The following CHN2 variants were observed in gnomAD, a reference collection of about 807,000 sequenced individuals.
CHN2 encodes beta-chimaerin.
Under a neutral mutation model 56.3 loss-of-function variants are expected in CHN2, and 35 were observed. The observed-to-expected ratio is 0.62, with a 90% CI of 0.47 to 0.82. The LOEUF (loss-of-function observed/expected upper bound fraction) is 0.82, where lower values mean the gene tolerates loss of function less well. CHN2 is among the 40% of genes least tolerant of loss of function. The pLI is 0.00. For synonymous variants in CHN2, 210 were observed against 212.8 expected (o/e 0.99, Z 0.12); for missense variants, 491 against 580.5 (o/e 0.85, Z 1.58).
At chr7:29,417,670 T>A (rs932996211) in intron 6 of CHN2, among the ~76,000 whole-genome samples, 2 of 152,222 alleles carry the variant, frequency 1.3e-5, no homozygotes, top group African/African-American at 4.8e-5. Context: ...TGGTTCAAAC[T>A]AATATCTATT....
At chr7:29,438,886 T>G (rs1708039818) in intron 6 of CHN2, among the ~76,000 whole-genome samples, 1 of 152,230 alleles carries the variant, frequency 6.6e-6, no homozygotes, top group Non-Finnish European at 1.5e-5. Context: ...TTTAGAACTA[T>G]TCACAATATT....
intron 1 of CHN2, among the ~76,000 whole-genome samples, chr7:29,241,287 T>C (rs561017895): frequency 9.2e-5 from 14 of 152,194 alleles, no homozygotes; most frequent in African/African-American, 3.4e-4. Flanking sequence ...CAGGGTTTTA[T>C]TGGGTGAAAA....
Position 29,158,512 on chromosome 7 carries a change from GTAGCCTAGTCTT to G in CHN2, c.274+11555_274+11566del, listed in dbSNP as rs1167397701. ...AGAATGGCTCACTTTATTTTATTGT[GTAGCCTAGTCTT>G]TATGTGATAATATTGATACTTAAGT... On this transcript the variant is annotated intron_variant, in intron 2 of 6. Transcript: ENST00000439384. Among the ~76,000 whole-genome samples the G allele has an allele frequency of 2.7e-5, 3 of 109,392 alleles. No individual in the cohort carries two copies. In the East Asian group the frequency reaches 7.4e-4, roughly 27 times the overall value. The allele number at this position is 109,392 out of a possible 152,430, so 71.8% of individuals were successfully genotyped here.
At chr7:29,429,391 C>G (rs1805190464) in intron 6 of CHN2, among the ~76,000 whole-genome samples, 1 of 152,200 alleles carries the variant, frequency 6.6e-6, no homozygotes, top group Non-Finnish European at 1.5e-5. Context: ...TCCTTTGAAA[C>G]TAACAGTAAG....
At chr7:29,387,673 T>C (rs1801024070) in intron 3 of CHN2, among the ~76,000 whole-genome samples, 1 of 152,198 alleles carries the variant, frequency 6.6e-6, no homozygotes, top group South Asian at 2.1e-4. Flanking sequence ...GGTGGGCTTC[T>C]CTCATATCTG....
intron 3 of CHN2, among the ~76,000 whole-genome samples, chr7:29,391,073 T>G (rs1030493050): frequency 1.3e-5 from 2 of 152,122 alleles, no homozygotes; most frequent in African/African-American, 2.4e-5. Context: ...AGCCTCTCTC[T>G]CTCTCTTTGA....
At chr7:29,370,549 C>G (rs1342493433) in intron 3 of CHN2, among the ~76,000 whole-genome samples, 2 of 152,116 alleles carry the variant, frequency 1.3e-5, no homozygotes, top group African/African-American at 4.8e-5. Flanking sequence ...TTCAATCTAT[C>G]TCTTCCCAGC....
At chr7:29,286,935 A>G (rs561561644) in intron 1 of CHN2, among the ~76,000 whole-genome samples, 84 of 152,284 alleles carry the variant, frequency 5.5e-4, no homozygotes, top group Middle Eastern at 3.4e-3. Flanking sequence ...TCATTGAAAA[A>G]GAAGTGTTTT....
chr7:29,311,912 CTT>C (rs778677785), intron 1 of CHN2, among the ~76,000 whole-genome samples: 3 of 152,146 alleles, frequency 2.0e-5, no homozygotes, highest in Non-Finnish European at 4.4e-5. Context: ...AGGGGGGTGA[CTT>C]AGATTCTAGA....
At chr7:29,412,521 A>C (rs968742) in intron 6 of CHN2, among the ~76,000 whole-genome samples, 5 of 151,404 alleles carry the variant, frequency 3.3e-5, no homozygotes, top group Admixed American at 1.3e-4. Context: ...TAGTAGAGAC[A>C]GGTTTCACCA....
chr7:29,187,207 C>T (rs1213737396), intron 2 of CHN2, among the ~76,000 whole-genome samples: 3 of 152,218 alleles, frequency 2.0e-5, no homozygotes, highest in African/African-American at 7.2e-5. Context: ...CCAAATTTGG[C>T]AGAGAGCTTA....
intron 2 of CHN2, among the ~76,000 whole-genome samples, chr7:29,160,238 G>C (rs901581541): frequency 2.0e-5 from 3 of 152,126 alleles, no homozygotes; most frequent in Non-Finnish European, 2.9e-5. Context: ...GTGTGAAGTT[G>C]GTGCCAGATG....
chr7:29,214,864 G>T (rs570162990), intron 1 of CHN2, among the ~76,000 whole-genome samples: 2 of 152,036 alleles, frequency 1.3e-5, no homozygotes, highest in Non-Finnish European at 2.9e-5. Context: ...CATAAAACGT[G>T]AGTGCAGAGT....
At chr7:29,290,490 C>T (rs1013182140) in intron 1 of CHN2, among the ~76,000 whole-genome samples, 5 of 152,112 alleles carry the variant, frequency 3.3e-5, no homozygotes, top group Admixed American at 6.5e-5. Flanking sequence ...GGCCATCTTA[C>T]GGCTTAGATT....
intron 2 of CHN2, among the ~76,000 whole-genome samples, chr7:29,365,249 G>A (rs1338622896): frequency 1.3e-5 from 2 of 152,158 alleles, no homozygotes; most frequent in African/African-American, 2.4e-5. Flanking sequence ...AAAGCTGATA[G>A]GGTTCTTGAA....
rs556160261 is a variant in CHN2 at position 29,240,900 on chromosome 7, TTTC to T, written c.49+45918_49+45920del. On this transcript the variant is annotated intron_variant, in intron 1 of 12. Coordinates refer to ENST00000222792, the MANE Select transcript of CHN2 (RefSeq NM_004067.4). ...CTTCCTTCTTCCTTCTTCTTCCTTC[TTTC>T]TTCTTCTAGTCTCACTGTGTTACCC... Among the ~76,000 whole-genome samples, 364 of 152,164 alleles carry T rather than the reference TTTC, an allele frequency of 2.4e-3. 3 individuals are homozygous for T. Among genetic ancestry groups the T allele is most frequent in the African/African-American group, 8.5e-3 (351 of 41,484 alleles).
intron 1 of CHN2, among the ~76,000 whole-genome samples, chr7:29,333,889 A>C (rs1796406154): frequency 6.6e-6 from 1 of 152,020 alleles, no homozygotes. Context: ...GAGAAAAGGT[A>C]GATGATGATA....
chr7:29,233,647 C>T (rs935782453), intron 1 of CHN2, among the ~76,000 whole-genome samples: 9 of 151,880 alleles, frequency 5.9e-5, no homozygotes, highest in Non-Finnish European at 1.3e-4. Flanking sequence ...AAGAGGGAGA[C>T]AGAAGGGTCA....
intron 6 of CHN2, among the ~76,000 whole-genome samples, chr7:29,441,379 G>A (rs1447155056): frequency 6.6e-6 from 1 of 152,128 alleles, no homozygotes; most frequent in Non-Finnish European, 1.5e-5. Flanking sequence ...AAAACAAATG[G>A]CAAGTCTTCA....
Sources: allele counts gnomAD v4.1 joint callset (sites outside exome capture counted in the v4.1 genomes callset), GRCh38; gene constraint gnomAD v4.1.1; transcripts MANE v1.5; gene names NCBI Gene and HGNC (gene_info 2026-07-23, HGNC 2026-07-21).